ZNF791: variants seen among roughly 807,000 people sequenced by gnomAD.
The protein encoded by ZNF791 is zinc finger protein 791.
Under a neutral mutation model 11.5 loss-of-function variants are expected in ZNF791, and 4 were observed. The ratio of observed to expected loss-of-function variants is 0.35; its 90% CI spans 0.17 to 0.80. The LOEUF (loss-of-function observed/expected upper bound fraction) is 0.80, where lower values mean the gene tolerates loss of function less well. Among genes scored for constraint, ZNF791 ranks in the 30% least tolerant of loss-of-function variants. ZNF791 has a pLI of 0.53. For missense variants in ZNF791, 559 were observed against 699.4 expected, an observed-to-expected ratio of 0.80 and a Z score of 2.26; for synonymous variants, 212 against 228.1, an observed-to-expected ratio of 0.93 and a Z score of 0.64.
chr19:12,617,325 C>T lies in ZNF791; in HGVS notation c.3+6243C>T, dbSNP rs1353445617. 2.0e-5 allele frequency among the ~76,000 whole-genome samples: 3 copies of T among 151,908 alleles called. No homozygotes were observed. The East Asian group carries it at 5.8e-4, about 29-fold the overall frequency. On this transcript the variant is annotated intron_variant, in intron 1 of 3. Transcript: ENST00000343325. ...ATTTTTAGTAGAGATGGGGTTTCAC[C>T]ATGTTGGCCAGGCTGGTCTCGAACT...
intron 1 of ZNF791, among the ~76,000 whole-genome samples, chr19:12,618,720 G>A (rs1031603406): frequency 2.6e-5 from 4 of 151,452 alleles, no homozygotes; most frequent in Admixed American, 6.6e-5. Context: ...CCGAGATCAT[G>A]CCACTGCACT....
At chr19:12,627,398 G>A (rs182839785) in intron 3 of ZNF791, among the ~76,000 whole-genome samples, 22 of 152,212 alleles carry the variant, frequency 1.4e-4, no homozygotes, top group Admixed American at 3.9e-4. Flanking sequence ...AGGCCAAGGC[G>A]GGCAGATCAC....
At chr19:12,623,853 TTC>T (rs377665627) in intron 2 of ZNF791, 27 bp downstream of exon 2, 30,129 of 513,332 alleles carry the variant, frequency 0.059, 1,568 homozygotes, top group African/African-American at 0.11. Flanking sequence ...TTTTTCTTTT[TTC>T]TTTTTTTTTT....
chr19:12,627,260 G>C lies in ZNF791; in HGVS notation c.192-461G>C, dbSNP rs73499437. The stretch of plus-strand genomic sequence containing the variant: ...AGCTATCAGTGACACAAGCCCTCTT[G>C]CAGAACATTGAGTATATTCGTTTTT... On this transcript the variant is annotated intron_variant, in intron 3 of 3. Coordinates refer to ENST00000343325, the MANE Select transcript of ZNF791 (RefSeq NM_153358.3). Among the ~76,000 whole-genome samples, 998 of 151,890 alleles carry C rather than the reference G, an allele frequency of 6.6e-3. 8 individuals are homozygous for C. Among genetic ancestry groups the C allele is most frequent in the African/African-American group, 0.022 (912 of 41,444 alleles).
Position 12,632,059 on chromosome 19 carries a change from C to G in ZNF791, c.*2799C>G, listed in dbSNP as rs1317714310. 1 of 151,954 alleles carries G rather than the reference C, an allele frequency of 6.6e-6. No individual in the cohort carries two copies. Among genetic ancestry groups the G allele is most frequent in the Non-Finnish European group, 1.5e-5 (1 of 68,038 alleles). 9.4% of individuals were successfully genotyped at this position (151,954 alleles called of 1,614,324 possible). A position where few individuals can be genotyped will look rare whatever the true frequency, so the allele number is the denominator to read the frequency against. On this transcript the variant is annotated 3_prime_UTR_variant, in exon 4 of 4. Coordinates refer to ENST00000343325, the MANE Select transcript of ZNF791 (RefSeq NM_153358.3). Reference sequence around the variant, plus strand: ...CACTGCAAGCTCCGCCTCCCGGGTCCACGCCATTCTCCTGCCTCAGCCTCC... The same window carrying G: ...CACTGCAAGCTCCGCCTCCCGGGTCGACGCCATTCTCCTGCCTCAGCCTCC...
At chr19:12,626,763 C>A (rs2023434761) in intron 3 of ZNF791, among the ~76,000 whole-genome samples, 1 of 151,396 alleles carries the variant, frequency 6.6e-6, no homozygotes, top group Non-Finnish European at 1.5e-5. Context: ...CACCACCACG[C>A]CCGGCTAATT....
rs1057146654 is a variant in ZNF791 at position 12,632,158 on chromosome 19, T to C, written c.*2898T>C. The C allele has an allele frequency of 3.9e-5, 6 of 151,974 alleles. No individual in the cohort carries two copies. Among genetic ancestry groups the C allele is most frequent in the African/African-American group, 1.5e-4 (6 of 41,362 alleles). 9.4% of individuals were successfully genotyped at this position (151,974 alleles called of 1,614,324 possible). A position where few individuals can be genotyped will look rare whatever the true frequency, so the allele number is the denominator to read the frequency against. ...TTTGTATTTTTAGTAGAGATGGGGTTTCACCGTGTTAAGCCAGGATGGTCT... is the reference window on the plus strand; with the variant it reads ...TTTGTATTTTTAGTAGAGATGGGGTCTCACCGTGTTAAGCCAGGATGGTCT... On this transcript the variant is annotated 3_prime_UTR_variant, in exon 4 of 4. Coordinates refer to ENST00000343325, the MANE Select transcript of ZNF791 (RefSeq NM_153358.3).
In ZNF791 at chr19:12,630,068, G is replaced by A. The variant is rs1215977983; in HGVS notation, c.*808G>A. On this transcript the variant is annotated 3_prime_UTR_variant, in exon 4 of 4. Coordinates refer to ENST00000343325, the MANE Select transcript of ZNF791 (RefSeq NM_153358.3). Reference sequence around the variant, plus strand: ...CCATCTACATGGGAGGCTGAGGCAGGAGGATTGCCTGAGCCCAGGAGTTCA... The same window carrying A: ...CCATCTACATGGGAGGCTGAGGCAGAAGGATTGCCTGAGCCCAGGAGTTCA... 1.3e-5 allele frequency: 2 copies of A among 151,722 alleles called. No homozygotes were observed. The highest frequency in any genetic ancestry group is 4.9e-5 in the African/African-American group (2 of 41,228). 9.4% of individuals were successfully genotyped at this position (151,722 alleles called of 1,614,324 possible).
chr19:12,619,947 G>T (rs1436893273), intron 1 of ZNF791, among the ~76,000 whole-genome samples: 3 of 149,240 alleles, frequency 2.0e-5, no homozygotes, highest in African/African-American at 4.9e-5. Flanking sequence ...TTTTTGAGAC[G>T]GAGTCTCGCT....
At chr19:12,618,816 T>A (rs1045730927) in intron 1 of ZNF791, among the ~76,000 whole-genome samples, 27 of 23,398 alleles carry the variant, frequency 1.2e-3, no homozygotes, top group Admixed American at 7.7e-3. Flanking sequence ...TCAGTGTGTG[T>A]GTGTGTGTGT....
chr19:12,612,239 G>T (rs2023168458), intron 1 of ZNF791: 3 of 594,682 alleles, frequency 5.0e-6, no homozygotes, highest in Non-Finnish European at 6.3e-6. Flanking sequence ...GGGTCTGGCT[G>T]TGTTGCTCAG....
Position 12,617,291 on chromosome 19 carries a change from A to G in ZNF791, c.3+6209A>G, listed in dbSNP as rs192465610. Among the ~76,000 whole-genome samples, 879 of 151,612 alleles carry G rather than the reference A, an allele frequency of 5.8e-3. 5 individuals carry two copies. The highest frequency in any genetic ancestry group is 0.02 in the African/African-American group (845 of 41,314). On this transcript the variant is annotated intron_variant, in intron 1 of 3. Coordinates refer to ENST00000343325, the MANE Select transcript of ZNF791 (RefSeq NM_153358.3). ...CAGGCACGTGCCACCATGCCTGTCT[A>G]ATTTTTTTATTTTTAGTAGAGATGG...
At chr19:12,617,834 T>G (rs2023269228) in intron 1 of ZNF791, among the ~76,000 whole-genome samples, 1 of 139,946 alleles carries the variant, frequency 7.1e-6, no homozygotes, top group African/African-American at 2.7e-5. Flanking sequence ...TGGCATGATC[T>G]CAGCCTACTA....
chr19:12,623,813 C>T lies in ZNF791; in HGVS notation c.117C>T (p.Asn39=). ...ATGTGATGCAGGAAACATTCAAGAA[C>T]CTGGCATCTATAGGTAAGGATGACA... ...YRDVMQETFK[N]LASIGEKWED... Residue 39 remains asparagine (N), a synonymous_variant, in exon 2 of 4, where the codon AAC becomes AAT. Coordinates refer to ENST00000343325, the MANE Select transcript of ZNF791 (RefSeq NM_153358.3). The T allele has an allele frequency of 1.3e-6, 2 of 1,579,144 alleles. No homozygotes were observed. Among genetic ancestry groups the T allele is most frequent in the Non-Finnish European group, 1.7e-6 (2 of 1,163,124 alleles).
In ZNF791 at chr19:12,620,909, C is replaced by T. The variant is rs570493836; in HGVS notation, c.4-2791C>T. ...CCGAGTAGCTGAGATTACATGCATG[C>T]ACCACCATGCCCAACTAATTTTTGT... On this transcript the variant is annotated intron_variant, in intron 1 of 3. Transcript: ENST00000343325. Among the ~76,000 whole-genome samples the T allele has an allele frequency of 3.4e-4, 52 of 151,700 alleles. 1 individual carries two copies. In the South Asian group the frequency reaches 0.01, roughly 29 times the overall value.
intron 2 of ZNF791, 52 bp downstream of exon 2, chr19:12,623,878 G>GGC: frequency 1.1e-6 from 1 of 917,952 alleles, no homozygotes; most frequent in South Asian, 1.6e-5. Flanking sequence ...TTTGGGGGGG[G>GGC]ACAGAGTTTC....
Position 12,628,334 on chromosome 19 carries a change from G to C in ZNF791, c.805G>C (p.Asp269His), listed in dbSNP as rs764191276. The C allele has an allele frequency of 3.7e-6, 6 of 1,612,610 alleles. No individual in the cohort carries two copies. The South Asian group carries it at 5.5e-5, about 15-fold the overall frequency. Residue 269 changes from aspartate to histidine, a missense_variant, in exon 4 of 4, where the codon GAT becomes CAT. Coordinates refer to ENST00000343325, the MANE Select transcript of ZNF791 (RefSeq NM_153358.3). Reference sequence around the variant, plus strand: ...AACACACATGATAACACACAACGGAGATAGACCTTATAAATGCAAAGAATG... The same window carrying C: ...AACACACATGATAACACACAACGGACATAGACCTTATAAATGCAAAGAATG... The part of the protein sequence containing the change: ...VLTHMITHNG[D>H]RPYKCKECGK...
intron 1 of ZNF791, among the ~76,000 whole-genome samples, chr19:12,616,932 T>A (rs1475084547): frequency 1.3e-5 from 2 of 152,204 alleles, no homozygotes; most frequent in Admixed American, 1.3e-4. Flanking sequence ...GTGGATAGTT[T>A]TGCATGTTAC....
At chr19:12,625,990 G>A (rs904020252) in intron 3 of ZNF791, among the ~76,000 whole-genome samples, 2 of 150,610 alleles carry the variant, frequency 1.3e-5, no homozygotes, top group Admixed American at 6.6e-5. Context: ...GATTATAAGC[G>A]CGCACTACTA....
Sources: allele counts gnomAD v4.1 joint callset (sites outside exome capture counted in the v4.1 genomes callset), GRCh38; gene constraint gnomAD v4.1.1; transcripts MANE v1.5; gene names NCBI Gene and HGNC (gene_info 2026-07-23, HGNC 2026-07-21).